Variants in DNAJB14 observed in about 807,000 individuals in gnomAD.
DNAJB14 encodes dnaJ homolog subfamily B member 14.
Under a neutral mutation model 48.4 loss-of-function variants are expected in DNAJB14, and 22 were observed. The observed-to-expected ratio is 0.45, with a 90% CI of 0.32 to 0.65. The LOEUF (loss-of-function observed/expected upper bound fraction) is 0.65, where lower values mean the gene tolerates loss of function less well. DNAJB14 is among the 30% of genes least tolerant of loss of function. The probability of loss-of-function intolerance (pLI) is 0.03; values close to 1 mark genes in which losing one functional copy is unlikely to be tolerated. For missense variants in DNAJB14, 319 were observed against 458.8 expected (o/e 0.70, Z 2.78); for synonymous variants, 142 against 158.7 (o/e 0.89, Z 0.79).
intron 2 of DNAJB14, 166 bp downstream of exon 2, chr4:99,930,284 T>A: frequency 1.9e-6 from 1 of 537,426 alleles, no homozygotes; most frequent in Non-Finnish European, 3.0e-6. Context: ...GAGTTGGTAC[T>A]TTACAGACCA....
At chr4:99,913,621 GTTTTTTT>G (rs372025043) in intron 3 of DNAJB14, among the ~76,000 whole-genome samples, 10 of 107,626 alleles carry the variant, frequency 9.3e-5, no homozygotes, top group South Asian at 5.9e-4. Context: ...CTGGTCTGTA[GTTTTTTT>G]TTTTTTTTTT....
At chr4:99,934,315 G>A (rs72684384) in intron 1 of DNAJB14, among the ~76,000 whole-genome samples, 15,605 of 152,042 alleles carry the variant, frequency 0.1, 1,170 homozygotes, top group East Asian at 0.35. Context: ...AATGACAGAA[G>A]TCAAATCTGA....
At chr4:99,907,779 G>A (rs1228559167) in intron 4 of DNAJB14, among the ~76,000 whole-genome samples, 1 of 152,158 alleles carries the variant, frequency 6.6e-6, no homozygotes, top group Non-Finnish European at 1.5e-5. Flanking sequence ...TTCTCTTAAT[G>A]TTGAATGGGA....
At chr4:99,945,038 G>A (rs1004052850) in intron 1 of DNAJB14, among the ~76,000 whole-genome samples, 10 of 152,158 alleles carry the variant, frequency 6.6e-5, no homozygotes, top group South Asian at 2.1e-4. Context: ...AAAGTAGAAT[G>A]GTAGTTGCCA....
chr4:99,909,654 T>A (rs1409330253), intron 3 of DNAJB14, among the ~76,000 whole-genome samples: 1 of 151,996 alleles, frequency 6.6e-6, no homozygotes, highest in African/African-American at 2.4e-5. Context: ...CATCTCACAG[T>A]CCCAAATCCA....
At chr4:99,931,529 T>C (rs1321008081) in intron 1 of DNAJB14, among the ~76,000 whole-genome samples, 2 of 152,108 alleles carry the variant, frequency 1.3e-5, no homozygotes, top group East Asian at 1.9e-4. Context: ...ATCATCATTA[T>C]GGATTTTAAC....
intron 3 of DNAJB14, among the ~76,000 whole-genome samples, chr4:99,913,690 T>C (rs1456392618): frequency 6.6e-6 from 1 of 150,536 alleles, no homozygotes; most frequent in African/African-American, 2.4e-5. Context: ...TTTCTTAACA[T>C]TAACTGGAAA....
Position 99,946,514 on chromosome 4 carries a change from T to C in DNAJB14, c.58A>G (p.Asn20Asp). ...TGGGCCTTCTCGCGGTTGCCGGCGT[T>C]CAGGGCCTCCCGGGCGATCTCGACA... ...KCVEIAREAL[N>D]AGNREKAQRF... is the part of the protein sequence containing the mutation. The change falls in exon 1 of 8, where the codon AAC becomes GAC. Residue 20 changes from asparagine to aspartate, a missense_variant. Asn to Asp is a conservative substitution (Grantham distance 23). Around this residue, in one of 3 missense-constraint regions of DNAJB14, gnomAD observed 116 missense variants for 134.6 expected, o/e 0.86. Transcript: ENST00000442697. The C allele has an allele frequency of 6.2e-7, 1 of 1,613,814 alleles. No homozygotes were observed. The highest frequency in any genetic ancestry group is 8.5e-7 in the Non-Finnish European group (1 of 1,179,794).
Position 99,901,143 on chromosome 4 carries a change from A to G in DNAJB14, c.1025T>C (p.Met342Thr). The G allele has an allele frequency of 3.8e-6, 6 of 1,588,552 alleles. No individual in the cohort carries two copies. The highest frequency in any genetic ancestry group is 2.3e-5 in the South Asian group (2 of 86,438). The change falls in exon 8 of 8, where the codon ATG (methionine) becomes ACG (threonine). Residue 342 changes from methionine (M) to threonine (T), a missense_variant. Coordinates refer to ENST00000442697, the MANE Select transcript of DNAJB14 (RefSeq NM_001031723.4). ...CWKERQQKTD[M>T]QYAAKVYRDD... ...ACGGTATACTTTTGCTGCATACTGCATATCTGTTTCTGTTAATAAAGAAAA... is the reference window on the plus strand; with the variant it reads ...ACGGTATACTTTTGCTGCATACTGCGTATCTGTTTCTGTTAATAAAGAAAA...
chr4:99,913,424 A>G (rs1725736944), intron 3 of DNAJB14, among the ~76,000 whole-genome samples: 1 of 152,132 alleles, frequency 6.6e-6, no homozygotes. Flanking sequence ...TATTCCACTG[A>G]TTAATATAAT....
chr4:99,935,437 C>T (rs550636409), intron 1 of DNAJB14, among the ~76,000 whole-genome samples: 2 of 152,254 alleles, frequency 1.3e-5, no homozygotes, highest in African/African-American at 4.8e-5. Flanking sequence ...GCTTAGTTCC[C>T]ACAAGCCCTT....
chr4:99,940,737 T>TA (rs1302858574), intron 1 of DNAJB14, among the ~76,000 whole-genome samples: 17 of 151,950 alleles, frequency 1.1e-4, no homozygotes, highest in South Asian at 6.2e-4. Context: ...ATTATTAAAT[T>TA]AAAAAAATAT....
intron 1 of DNAJB14, among the ~76,000 whole-genome samples, chr4:99,945,868 T>G (rs1271775537): frequency 6.6e-6 from 1 of 152,256 alleles, no homozygotes; most frequent in Non-Finnish European, 1.5e-5. Flanking sequence ...CAATCATTAC[T>G]GACTCTTGAC....
At chr4:99,930,676 T>A (rs563854408) in intron 1 of DNAJB14, 55 bp from the exon 2 acceptor site, 7 of 1,503,630 alleles carry the variant, frequency 4.7e-6, no homozygotes, top group Non-Finnish European at 5.3e-6. Flanking sequence ...ATACACAAGA[T>A]CCTGAGAAGA....
chr4:99,944,930 T>G (rs928148769), intron 1 of DNAJB14, among the ~76,000 whole-genome samples: 4 of 152,136 alleles, frequency 2.6e-5, no homozygotes, highest in African/African-American at 9.7e-5. Context: ...AAATGAAACT[T>G]GGGAACATTA....
At chr4:99,901,717 G>T (rs967165946) in intron 7 of DNAJB14, among the ~76,000 whole-genome samples, 1 of 152,116 alleles carries the variant, frequency 6.6e-6, no homozygotes, top group African/African-American at 2.4e-5. Flanking sequence ...CCTTCAGTGT[G>T]TGGGACAGCA....
At chr4:99,925,719 A>G (rs1726226391) in intron 2 of DNAJB14, 1 of 152,180 alleles carries the variant, frequency 6.6e-6, no homozygotes, top group Admixed American at 6.5e-5. Flanking sequence ...AAAAACAAGC[A>G]ATAAACAAAT....
chr4:99,924,548 A>C (rs1726179647), intron 2 of DNAJB14: 1 of 505,288 alleles, frequency 2.0e-6, no homozygotes, highest in Admixed American at 4.1e-5. Flanking sequence ...AACATACATC[A>C]ATTTTATTCC....
At chr4:99,909,092 C>A (rs2110196595) in intron 3 of DNAJB14, among the ~76,000 whole-genome samples, 196 bp from the exon 4 acceptor site, 1 of 152,132 alleles carries the variant, frequency 6.6e-6, no homozygotes, top group Admixed American at 6.5e-5. Context: ...TTATACCAGA[C>A]AAGTCTCTCT....
Sources: allele counts gnomAD v4.1 joint callset (sites outside exome capture counted in the v4.1 genomes callset), GRCh38; gene constraint gnomAD v4.1.1; regional missense constraint gnomAD v4.1.1; transcripts MANE v1.5; gene names NCBI Gene and HGNC (gene_info 2026-07-23, HGNC 2026-07-21).